CTIF: variants seen among roughly 807,000 people sequenced by gnomAD.
CTIF encodes the protein cap binding complex dependent translation initiation factor.
In CTIF, 21 loss-of-function variants were observed where a neutral mutation model predicts 66.0. That is an observed-to-expected ratio of 0.32 (90% CI 0.23 to 0.46). CTIF has a LOEUF of 0.46. Ranked by LOEUF, CTIF falls within the 20% of genes least tolerant of loss-of-function variation. The pLI, the probability that CTIF is intolerant of heterozygous loss-of-function variation, is 1.00. For synonymous variants in CTIF, 345 were observed against 326.4 expected (o/e 1.06, Z -0.62); for missense variants, 739 against 812.7 (o/e 0.91, Z 1.10).
intron 1 of CTIF, among the ~76,000 whole-genome samples, chr18:48,573,411 T>C (rs906680945): frequency 1.3e-5 from 2 of 152,224 alleles, no homozygotes; most frequent in Non-Finnish European, 2.9e-5. Flanking sequence ...AATGGCTTAC[T>C]TTGCAGGAAA....
At chr18:48,734,333 A>T (rs949783020) in intron 7 of CTIF, among the ~76,000 whole-genome samples, 1 of 152,208 alleles carries the variant, frequency 6.6e-6, no homozygotes, top group African/African-American at 2.4e-5. Flanking sequence ...TGGGATGCCG[A>T]GGCAGGTGGA....
intron 7 of CTIF, among the ~76,000 whole-genome samples, chr18:48,750,094 C>T (rs1314661324): frequency 6.6e-6 from 1 of 152,240 alleles, no homozygotes; most frequent in African/African-American, 2.4e-5. Flanking sequence ...GTATTCATAA[C>T]GTGCTTTTGT....
chr18:48,688,941 T>A (rs1233953144), intron 6 of CTIF, among the ~76,000 whole-genome samples: 2 of 152,208 alleles, frequency 1.3e-5, no homozygotes, highest in African/African-American at 2.4e-5. Context: ...CTCCCCTCTC[T>A]CATCCAAGTG....
At chr18:48,549,233 G>T (rs1210537811) in intron 1 of CTIF, among the ~76,000 whole-genome samples, 2 of 152,186 alleles carry the variant, frequency 1.3e-5, no homozygotes, top group Non-Finnish European at 2.9e-5. Flanking sequence ...GGACGTAGGG[G>T]AAAGCATTAT....
intron 6 of CTIF, among the ~76,000 whole-genome samples, chr18:48,700,866 G>A: frequency 6.6e-6 from 1 of 152,216 alleles, no homozygotes; most frequent in East Asian, 1.9e-4. Flanking sequence ...CACACAGCAT[G>A]CTCACAGGGC....
chr18:48,837,655 G>A (rs1315239317), intron 10 of CTIF, among the ~76,000 whole-genome samples: 2 of 152,154 alleles, frequency 1.3e-5, no homozygotes, highest in Non-Finnish European at 2.9e-5. Context: ...CACTCTGACT[G>A]CACCAGAAAC....
At chr18:48,541,142 C>A (rs916388842) in intron 1 of CTIF, among the ~76,000 whole-genome samples, 2 of 152,028 alleles carry the variant, frequency 1.3e-5, no homozygotes, top group African/African-American at 2.4e-5. Context: ...CTTCGCAGAC[C>A]GGGGAGAGAG....
chr18:48,562,377 C>A (rs1282630649), intron 1 of CTIF, among the ~76,000 whole-genome samples: 2 of 152,340 alleles, frequency 1.3e-5, no homozygotes, highest in Admixed American at 1.3e-4. Flanking sequence ...TTCAGGAGTC[C>A]TGCTCTAGAG....
At chr18:48,644,762 T>A (rs542899815) in intron 3 of CTIF, among the ~76,000 whole-genome samples, 1 of 151,722 alleles carries the variant, frequency 6.6e-6, no homozygotes, top group Non-Finnish European at 1.5e-5. Context: ...TGGGGAGGAG[T>A]AGGCTGGTGT....
At chr18:48,642,766 C>G (rs977463626) in intron 3 of CTIF, among the ~76,000 whole-genome samples, 1 of 152,162 alleles carries the variant, frequency 6.6e-6, no homozygotes, top group African/African-American at 2.4e-5. Flanking sequence ...AACCAACAAC[C>G]AAACAATCCA....
intron 1 of CTIF, among the ~76,000 whole-genome samples, chr18:48,591,640 A>G (rs2089889463): frequency 6.6e-6 from 1 of 152,276 alleles, no homozygotes; most frequent in African/African-American, 2.4e-5. Flanking sequence ...CCTGGCAGGT[A>G]GGCAGGGCCA....
rs557922692 is a variant in CTIF at position 48,752,413 on chromosome 18, C to A, written c.585-5506C>A. 2.0e-5 allele frequency among the ~76,000 whole-genome samples: 3 copies of A among 152,156 alleles called. No homozygotes were observed. In the South Asian group the frequency reaches 6.2e-4, roughly 32 times the overall value. On this transcript the variant is annotated intron_variant, in intron 7 of 11. Coordinates refer to ENST00000256413, the MANE Select transcript of CTIF (RefSeq NM_014772.3). Reference sequence around the variant, plus strand: ...TTGCCTAAGCTTTGTAGCGATGCCCCCAGTTCTCCAAAGAGCACTGAGATC... The same window carrying A: ...TTGCCTAAGCTTTGTAGCGATGCCCACAGTTCTCCAAAGAGCACTGAGATC...
At position 48,683,846 on chromosome 18, in the gene CTIF, G is replaced by A. The variant is rs562407284; in HGVS notation, c.507+13102G>A. 3.3e-5 allele frequency among the ~76,000 whole-genome samples: 5 copies of A among 152,328 alleles called. No individual in the cohort carries two copies. The East Asian group carries it at 7.7e-4, about 24-fold the overall frequency. Reference sequence around the variant, plus strand: ...TGGCTCCTTGTCTGCTGAGACAAGCGTGGCACCACTGTGGCCACCAGCCCT... The same window carrying A: ...TGGCTCCTTGTCTGCTGAGACAAGCATGGCACCACTGTGGCCACCAGCCCT... On this transcript the variant is annotated intron_variant, in intron 6 of 11. Transcript: ENST00000256413.
At chr18:48,833,656 A>ATTGGGATTTG (rs962850572) in intron 10 of CTIF, among the ~76,000 whole-genome samples, 1 of 152,104 alleles carries the variant, frequency 6.6e-6, no homozygotes, top group Non-Finnish European at 1.5e-5. Flanking sequence ...TGTGCCCCAA[A>ATTGGGATTTG]GGAACAAAAA....
chr18:48,767,227 A>G (rs1182485859), intron 9 of CTIF, among the ~76,000 whole-genome samples: 1 of 152,218 alleles, frequency 6.6e-6, no homozygotes, highest in Non-Finnish European at 1.5e-5. Flanking sequence ...TTGGATCCTC[A>G]TCAGGGAATT....
intron 1 of CTIF, among the ~76,000 whole-genome samples, chr18:48,568,633 TAAAAAAAA>T (rs58084631): frequency 0.14 from 5,171 of 36,464 alleles, 205 homozygotes; most frequent in Non-Finnish European, 0.16. Flanking sequence ...GGGCAATTTG[TAAAAAAAA>T]AAAAAAAAAA....
intron 3 of CTIF, among the ~76,000 whole-genome samples, chr18:48,637,917 G>A (rs149885103): frequency 1.3e-5 from 2 of 152,166 alleles, no homozygotes; most frequent in East Asian, 1.9e-4. Flanking sequence ...AAGGAGCCTC[G>A]ACGGCCTCTG....
intron 6 of CTIF, among the ~76,000 whole-genome samples, chr18:48,699,551 G>A (rs1305093659): frequency 1.3e-5 from 2 of 152,198 alleles, no homozygotes; most frequent in African/African-American, 4.8e-5. Context: ...GATTAACACA[G>A]GTATGACCAC....
intron 1 of CTIF, among the ~76,000 whole-genome samples, chr18:48,610,580 G>A (rs564285528): frequency 2.0e-5 from 3 of 152,148 alleles, no homozygotes; most frequent in Non-Finnish European, 4.4e-5. Flanking sequence ...ACACTCCTGC[G>A]GGCTGCTCTC....
Sources: allele counts gnomAD v4.1 joint callset (sites outside exome capture counted in the v4.1 genomes callset), GRCh38; gene constraint gnomAD v4.1.1; transcripts MANE v1.5; gene names NCBI Gene and HGNC (gene_info 2026-07-23, HGNC 2026-07-21).